Variants in DCC observed in about 807,000 individuals in gnomAD.
DCC encodes netrin receptor DCC.
Under a neutral mutation model 172.5 loss-of-function variants are expected in DCC, and 58 were observed. The ratio of observed to expected loss-of-function variants is 0.34; its 90% CI spans 0.27 to 0.42. DCC has a LOEUF of 0.42. Among genes scored for constraint, DCC ranks in the 10% least tolerant of loss-of-function variants. DCC has a pLI of 1.00. For missense variants in DCC, 1,740 were observed against 1,791.0 expected, an observed-to-expected ratio of 0.97 and a Z score of 0.51; for synonymous variants, 709 against 644.5, an observed-to-expected ratio of 1.10 and a Z score of -1.52.
At chr18:53,167,497 T>A (rs1287284835) in intron 8 of DCC, among the ~76,000 whole-genome samples, 2 of 152,092 alleles carry the variant, frequency 1.3e-5, no homozygotes, top group African/African-American at 4.8e-5. Context: ...CCGAAATAAA[T>A]GGGGATGGAA....
chr18:53,098,440 T>C (rs1195785196), intron 7 of DCC, among the ~76,000 whole-genome samples: 1 of 152,188 alleles, frequency 6.6e-6, no homozygotes, highest in Non-Finnish European at 1.5e-5. Flanking sequence ...CATTTTTCTT[T>C]GACCTTCATG....
At chr18:53,509,615 T>C (rs2046225692) in intron 27 of DCC, among the ~76,000 whole-genome samples, 1 of 152,206 alleles carries the variant, frequency 6.6e-6, no homozygotes, top group African/African-American at 2.4e-5. Flanking sequence ...GTGGGTTTGG[T>C]AACTCACTTG....
intron 26 of DCC, among the ~76,000 whole-genome samples, chr18:53,492,525 G>A (rs936173186): frequency 6.6e-6 from 1 of 152,086 alleles, no homozygotes; most frequent in Non-Finnish European, 1.5e-5. Flanking sequence ...TCTGCATATG[G>A]CTAGCCAGTT....
At chr18:52,423,343 G>A (rs1987315177) in intron 1 of DCC, among the ~76,000 whole-genome samples, 1 of 152,146 alleles carries the variant, frequency 6.6e-6, no homozygotes, top group Admixed American at 6.6e-5. Context: ...CGTCAGAGTG[G>A]TGGGGTTGAA....
rs567587733 is a variant in DCC at position 53,120,402 on chromosome 18, A to G, written c.1262-36954A>G. On this transcript the variant is annotated intron_variant, in intron 7 of 28. Transcript: ENST00000442544. ...AGACAATTTGTAATTGGATAAGACA[A>G]TCTTCAGTTGAATAAAATACTATAG... 4.0e-5 allele frequency among the ~76,000 whole-genome samples: 6 copies of G among 151,890 alleles called. No individual in the cohort carries two copies. In the South Asian group the frequency reaches 1.0e-3, roughly 26 times the overall value.
At chr18:52,466,371 G>T (rs17827994) in intron 1 of DCC, among the ~76,000 whole-genome samples, 3,778 of 152,146 alleles carry the variant, frequency 0.025, 144 homozygotes, top group East Asian at 0.1. Flanking sequence ...TAAAATGAAA[G>T]TTCACATAAC....
chr18:52,352,174 C>G (rs557223518), intron 1 of DCC, among the ~76,000 whole-genome samples: 1 of 152,138 alleles, frequency 6.6e-6, no homozygotes, highest in East Asian at 1.9e-4. Flanking sequence ...TATTCCAATG[C>G]CTGACTTATA....
At chr18:52,822,855 C>T (rs780601029) in intron 2 of DCC, among the ~76,000 whole-genome samples, 6 of 152,064 alleles carry the variant, frequency 3.9e-5, no homozygotes, top group African/African-American at 2.4e-5. Flanking sequence ...TTATAGATGC[C>T]TAAGTGTAGG....
At chr18:53,337,459 T>C (rs745518743) in intron 14 of DCC, among the ~76,000 whole-genome samples, 2 of 152,236 alleles carry the variant, frequency 1.3e-5, no homozygotes, top group Non-Finnish European at 2.9e-5. Flanking sequence ...CCTTTTCATC[T>C]CTTTTATTAC....
intron 5 of DCC, among the ~76,000 whole-genome samples, chr18:53,016,448 T>A (rs2041808565): frequency 6.6e-6 from 1 of 152,112 alleles, no homozygotes; most frequent in African/African-American, 2.4e-5. Flanking sequence ...TAGCTTTTGC[T>A]ATAACTTTAA....
intron 1 of DCC, among the ~76,000 whole-genome samples, chr18:52,371,660 A>T (rs555356115): frequency 2.0e-5 from 3 of 152,324 alleles, no homozygotes; most frequent in South Asian, 2.1e-4. Context: ...CTGGGTGTGC[A>T]AAGCAATGTA....
At chr18:53,022,508 C>T (rs556020581) in intron 5 of DCC, among the ~76,000 whole-genome samples, 100 of 149,944 alleles carry the variant, frequency 6.7e-4, no homozygotes, top group African/African-American at 2.3e-3. Flanking sequence ...AAGATACATA[C>T]ATATATATGT....
At chr18:53,223,702 T>C (rs1480270497) in intron 12 of DCC, among the ~76,000 whole-genome samples, 2 of 152,172 alleles carry the variant, frequency 1.3e-5, no homozygotes, top group Non-Finnish European at 2.9e-5. Flanking sequence ...TTAAAGATGT[T>C]GAACCATTCA....
chr18:52,465,208 G>C (rs12458464), intron 1 of DCC, among the ~76,000 whole-genome samples: 1,550 of 152,196 alleles, frequency 0.01, 62 homozygotes, highest in Admixed American at 0.066. Flanking sequence ...CACCCACCTA[G>C]TAAAGTACTA....
chr18:53,404,092 A>G (rs1279314026), intron 19 of DCC, among the ~76,000 whole-genome samples: 1 of 152,044 alleles, frequency 6.6e-6, no homozygotes, highest in Non-Finnish European at 1.5e-5. Flanking sequence ...CCTCATTGTT[A>G]TAATCTCTTT....
intron 7 of DCC, among the ~76,000 whole-genome samples, chr18:53,102,054 T>C (rs1033433179): frequency 1.3e-5 from 2 of 152,094 alleles, no homozygotes; most frequent in Non-Finnish European, 2.9e-5. Flanking sequence ...GACTCAAGTC[T>C]TGACTCGGAT....
rs550604432 is a variant in DCC, at chr18:53,077,611, T to A, written c.1261+11445T>A. ...TGATGAGCAGTTCTGGTCAGTGGAC[T>A]CTCCCATGGTTATTTTTCTCTTACT... On this transcript the variant is annotated intron_variant, in intron 7 of 28. Transcript: ENST00000442544. 1.2e-4 allele frequency among the ~76,000 whole-genome samples: 18 copies of A among 152,248 alleles called. No individual in the cohort carries two copies. In the South Asian group the frequency reaches 3.7e-3, roughly 32 times the overall value.
At chr18:52,672,255 T>G (rs895536587) in intron 1 of DCC, among the ~76,000 whole-genome samples, 8 of 152,234 alleles carry the variant, frequency 5.3e-5, no homozygotes, top group Non-Finnish European at 1.0e-4. Context: ...AACGAATATT[T>G]GTTTTAAATA....
intron 2 of DCC, among the ~76,000 whole-genome samples, chr18:52,761,865 C>T (rs765680115): frequency 9.7e-5 from 14 of 143,818 alleles, no homozygotes; most frequent in African/African-American, 3.2e-4. Context: ...GCCGAGATAG[C>T]GCCACTGCAG....
Sources: allele counts gnomAD v4.1 joint callset (sites outside exome capture counted in the v4.1 genomes callset), GRCh38; gene constraint gnomAD v4.1.1; transcripts MANE v1.5; gene names NCBI Gene and HGNC (gene_info 2026-07-23, HGNC 2026-07-21).